PINX1: variants seen among roughly 807,000 people sequenced by gnomAD.
The protein encoded by PINX1 is PIN2/TERF1-interacting telomerase inhibitor 1.
In PINX1, 34 loss-of-function variants were observed where a neutral mutation model predicts 25.4. The ratio of observed to expected loss-of-function variants is 1.34; its 90% CI spans 1.02 to 1.78. PINX1 has a LOEUF of 1.78. Among genes scored for constraint, PINX1 ranks in the 40% most tolerant of loss-of-function variants. PINX1 has a pLI of 0.00. For missense variants in PINX1, 592 were observed against 404.9 expected (o/e 1.46, Z -3.97); for synonymous variants, 197 against 147.7 (o/e 1.33, Z -2.42).
At chr8:10,836,595 A>T (rs1798414044) in intron 1 of PINX1, among the ~76,000 whole-genome samples, 1 of 146,668 alleles carries the variant, frequency 6.8e-6, no homozygotes, top group South Asian at 2.2e-4. Flanking sequence ...TACACAAGAG[A>T]TTAGCTATTC....
At chr8:10,811,459 C>T (rs1056375002) in intron 6 of PINX1, among the ~76,000 whole-genome samples, 2 of 152,206 alleles carry the variant, frequency 1.3e-5, no homozygotes, top group African/African-American at 2.4e-5. Context: ...AATCCTAAGA[C>T]AGCCATTTCA....
intron 2 of PINX1, chr8:10,833,509 G>A (rs1056209370): frequency 6.3e-6 from 1 of 157,916 alleles, no homozygotes; most frequent in South Asian, 1.7e-4. Flanking sequence ...CTCAAGTGAT[G>A]ACAGTGGCTG....
intron 4 of PINX1, among the ~76,000 whole-genome samples, chr8:10,829,304 A>AAAAAG (rs1554494925): frequency 6.8e-6 from 1 of 146,720 alleles, no homozygotes; most frequent in African/African-American, 2.5e-5. Flanking sequence ...AAAAAAAAAA[A>AAAAAG]AGAGAGAGAG....
At chr8:10,782,066 T>C (rs900595880) in intron 6 of PINX1, among the ~76,000 whole-genome samples, 4 of 152,190 alleles carry the variant, frequency 2.6e-5, no homozygotes, top group African/African-American at 7.2e-5. Flanking sequence ...GATGACACTA[T>C]GGTAAGTGAA....
chr8:10,824,289 CTT>C (rs1214471165), intron 5 of PINX1, among the ~76,000 whole-genome samples: 1 of 152,166 alleles, frequency 6.6e-6, no homozygotes, highest in African/African-American at 2.4e-5. Flanking sequence ...CTAGAGGAAA[CTT>C]TAAAATAAGT....
intron 4 of PINX1, among the ~76,000 whole-genome samples, chr8:10,828,729 C>A (rs766687844): frequency 6.6e-6 from 1 of 152,132 alleles, no homozygotes; most frequent in African/African-American, 2.4e-5. Flanking sequence ...TGAAACTGCT[C>A]GGAGTCTGAC....
At chr8:10,823,639 G>A (rs1797944185) in intron 5 of PINX1, among the ~76,000 whole-genome samples, 1 of 152,054 alleles carries the variant, frequency 6.6e-6, no homozygotes. Context: ...CTCAGGACCA[G>A]GGAAAGGAAT....
At chr8:10,773,248 G>A (rs1293962116) in intron 6 of PINX1, among the ~76,000 whole-genome samples, 1 of 152,072 alleles carries the variant, frequency 6.6e-6, no homozygotes, top group African/African-American at 2.4e-5. Flanking sequence ...ATATATACAC[G>A]TATGGAACTG....
chr8:10,833,944 C>G (rs1798312240), intron 2 of PINX1, among the ~76,000 whole-genome samples: 1 of 152,120 alleles, frequency 6.6e-6, no homozygotes, highest in Admixed American at 6.5e-5. Flanking sequence ...GAAATGCTTA[C>G]TCAAGTGGAA....
At chr8:10,805,112 G>A (rs964386941) in intron 6 of PINX1, among the ~76,000 whole-genome samples, 2 of 152,204 alleles carry the variant, frequency 1.3e-5, no homozygotes, top group African/African-American at 4.8e-5. Context: ...TGCAATAGGT[G>A]AGGCCTGTCT....
intron 1 of PINX1, among the ~76,000 whole-genome samples, chr8:10,837,753 A>G (rs7001887): frequency 0.4 from 60,436 of 152,044 alleles, 13,822 homozygotes; most frequent in African/African-American, 0.63. Flanking sequence ...CTAGGATCCC[A>G]TTTACTCTAA....
chr8:10,825,405 G>A (rs1349076273), intron 5 of PINX1: 1 of 534,808 alleles, frequency 1.9e-6, no homozygotes, highest in Non-Finnish European at 3.8e-6. Context: ...CGCTTCTTAT[G>A]TAAACTATGT....
intron 5 of PINX1, among the ~76,000 whole-genome samples, chr8:10,822,961 C>T (rs73208792): frequency 0.17 from 25,648 of 152,134 alleles, 2,573 homozygotes; most frequent in Non-Finnish European, 0.23. Flanking sequence ...TTATTTTTAT[C>T]TTTTTAAATG....
intron 6 of PINX1, among the ~76,000 whole-genome samples, chr8:10,777,389 C>A (rs192760650): frequency 6.6e-6 from 1 of 152,338 alleles, no homozygotes; most frequent in East Asian, 1.9e-4. Context: ...CAGTTTATGT[C>A]TCTTGTCCTA....
At chr8:10,817,167 C>T (rs1005836355) in intron 6 of PINX1, among the ~76,000 whole-genome samples, 2 of 152,142 alleles carry the variant, frequency 1.3e-5, no homozygotes, top group Admixed American at 6.5e-5. Flanking sequence ...CTAGAGCACC[C>T]ACAGAGCTAC....
In PINX1 at chr8:10,834,687, C is replaced by A. The variant is rs751716441; in HGVS notation, c.108G>T (p.Lys36Asn). ...DSKFGQRMLEKMGWSKGKGLG... is the reference protein window; with the variant it reads ...DSKFGQRMLENMGWSKGKGLG... Reference sequence around the variant, plus strand: ...ATACCTTTCCTTTAGACCACCCCATCTTCTCTAGCATCCGCTGGCCAAACT... The same window carrying A: ...ATACCTTTCCTTTAGACCACCCCATATTCTCTAGCATCCGCTGGCCAAACT... Residue 36 changes from lysine to asparagine, a missense_variant, in exon 2 of 7, where the codon AAG becomes AAT. Transcript: ENST00000314787. 6.2e-7 allele frequency: 1 copy of A among 1,613,640 alleles called. No homozygotes were observed. Among genetic ancestry groups the A allele is most frequent in the Non-Finnish European group, 8.5e-7 (1 of 1,179,778 alleles).
At chr8:10,773,298 C>G (rs927282722) in intron 6 of PINX1, among the ~76,000 whole-genome samples, 7 of 152,206 alleles carry the variant, frequency 4.6e-5, no homozygotes, top group Non-Finnish European at 1.0e-4. Context: ...AGCTCTGTCT[C>G]CTGCCAACGA....
intron 6 of PINX1, among the ~76,000 whole-genome samples, chr8:10,782,433 T>A (rs1006538471): frequency 2.2e-5 from 3 of 135,888 alleles, no homozygotes; most frequent in Non-Finnish European, 5.1e-5. Context: ...AAAAAAAAAT[T>A]TTTTTTTTTA....
chr8:10,838,933 C>T (rs1465664262), intron 1 of PINX1, among the ~76,000 whole-genome samples: 1 of 152,196 alleles, frequency 6.6e-6, no homozygotes, highest in Non-Finnish European at 1.5e-5. Context: ...GTGCTAACAG[C>T]ACTTATTTCA....
Sources: allele counts gnomAD v4.1 joint callset (sites outside exome capture counted in the v4.1 genomes callset), GRCh38; gene constraint gnomAD v4.1.1; transcripts MANE v1.5; gene names NCBI Gene and HGNC (gene_info 2026-07-23, HGNC 2026-07-21).